The following QTMAN variants were observed in gnomAD, a reference collection of about 807,000 sequenced individuals.
QTMAN encodes the protein tRNA-queuosine alpha-mannosyltransferase.
the QTMAN span, among the ~76,000 whole-genome samples, chr2:144,328,688 G>A: frequency 3.3e-5 from 5 of 152,278 alleles, no homozygotes; most frequent in Non-Finnish European, 7.4e-5. Context: ...AGCAATTACA[G>A]ATGTGAGCTG....
At chr2:144,248,843 C>A in the QTMAN span, among the ~76,000 whole-genome samples, 1 of 151,790 alleles carries the variant, frequency 6.6e-6, no homozygotes, top group Non-Finnish European at 1.5e-5. Context: ...GATTGTTCTT[C>A]AGTCTCATCT....
At chr2:143,977,659 C>T in the QTMAN span, among the ~76,000 whole-genome samples, 2 of 152,192 alleles carry the variant, frequency 1.3e-5, no homozygotes, top group Admixed American at 6.5e-5. Context: ...TCAGCAATGG[C>T]CCATGAGGAA....
chr2:144,124,531 CTAGA>C, the QTMAN span, among the ~76,000 whole-genome samples: 1 of 152,002 alleles, frequency 6.6e-6, no homozygotes, highest in Non-Finnish European at 1.5e-5. Context: ...AGTGGAAGCT[CTAGA>C]TAGAGGGTCA....
the QTMAN span, among the ~76,000 whole-genome samples, chr2:144,158,553 C>T: frequency 6.6e-6 from 1 of 151,766 alleles, no homozygotes; most frequent in South Asian, 2.1e-4. Context: ...AGAAATATTC[C>T]TAGGTAGTTC....
chr2:144,191,253 A>C, the QTMAN span, among the ~76,000 whole-genome samples: 3 of 152,212 alleles, frequency 2.0e-5, no homozygotes, highest in Non-Finnish European at 4.4e-5. Flanking sequence ...AGTGAAAACC[A>C]CCAATAGCCA....
At chr2:143,972,237 G>A in the QTMAN span, among the ~76,000 whole-genome samples, 1 of 152,074 alleles carries the variant, frequency 6.6e-6, no homozygotes, top group Non-Finnish European at 1.5e-5. Flanking sequence ...CAATCAAATA[G>A]CTGCCACCTA....
chr2:144,208,681 G>T, the QTMAN span: 2 of 1,613,860 alleles, frequency 1.2e-6, no homozygotes, highest in Non-Finnish European at 8.5e-7. Flanking sequence ...TTTCTTTGCA[G>T]GAAGGGTATA....
the QTMAN span, among the ~76,000 whole-genome samples, chr2:144,159,128 T>C: frequency 6.6e-6 from 1 of 152,016 alleles, no homozygotes; most frequent in Non-Finnish European, 1.5e-5. Flanking sequence ...AATAATCCCT[T>C]TGAAGATTAA....
the QTMAN span, among the ~76,000 whole-genome samples, chr2:144,279,559 C>T: frequency 1.3e-5 from 2 of 152,218 alleles, no homozygotes; most frequent in Non-Finnish European, 2.9e-5. Flanking sequence ...CATTCCCTGG[C>T]CTCATCCTTA....
the QTMAN span, among the ~76,000 whole-genome samples, chr2:144,104,217 G>A: frequency 6.6e-6 from 1 of 152,156 alleles, no homozygotes; most frequent in African/African-American, 2.4e-5. Context: ...ATTTCCAACT[G>A]AGGTACTGGG....
At chr2:143,952,745 A>G in the QTMAN span, 1 of 1,383,508 alleles carries the variant, frequency 7.2e-7, no homozygotes, top group African/African-American at 1.4e-5. Context: ...AAATCTCAAT[A>G]AAGATGAATG....
At chr2:144,073,154 T>C in the QTMAN span, among the ~76,000 whole-genome samples, 1 of 151,938 alleles carries the variant, frequency 6.6e-6, no homozygotes, top group Non-Finnish European at 1.5e-5. Context: ...CCAATCAAAA[T>C]GGACAGCTAT....
At chr2:144,258,170 TAA>T in the QTMAN span, among the ~76,000 whole-genome samples, 1 of 140,988 alleles carries the variant, frequency 7.1e-6, no homozygotes, top group Non-Finnish European at 1.5e-5. Context: ...ATATAAGAGA[TAA>T]GTATAGAAGG....
At chr2:144,238,823 C>T in the QTMAN span, among the ~76,000 whole-genome samples, 1 of 152,176 alleles carries the variant, frequency 6.6e-6, no homozygotes. Flanking sequence ...GCTTCCTTAG[C>T]CATCACTCTA....
At chr2:143,977,785 T>A in the QTMAN span, among the ~76,000 whole-genome samples, 1 of 152,212 alleles carries the variant, frequency 6.6e-6, no homozygotes, top group South Asian at 2.1e-4. Flanking sequence ...TCTATGTGTA[T>A]CAGGGTTTCA....
the QTMAN span, among the ~76,000 whole-genome samples, chr2:144,197,319 GTATA>G: frequency 7.0e-6 from 1 of 143,528 alleles, no homozygotes; most frequent in African/African-American, 2.5e-5. Flanking sequence ...GTGTGTGTGT[GTATA>G]TATATATATA....
chr2:143,968,478 C>T, the QTMAN span, among the ~76,000 whole-genome samples: 1 of 152,216 alleles, frequency 6.6e-6, no homozygotes, highest in Non-Finnish European at 1.5e-5. Context: ...AACTGCTCCA[C>T]ACCCTATTTT....
the QTMAN span, among the ~76,000 whole-genome samples, chr2:144,269,239 C>A: frequency 1.3e-5 from 2 of 151,982 alleles, no homozygotes; most frequent in Non-Finnish European, 2.9e-5. Flanking sequence ...AAAATATAAT[C>A]CCAAAAAATC....
At chr2:144,141,518 GTA>G in the QTMAN span, among the ~76,000 whole-genome samples, 2 of 149,814 alleles carry the variant, frequency 1.3e-5, no homozygotes, top group Admixed American at 6.7e-5. Context: ...AGTTCTTATT[GTA>G]TATATAAATC....
Sources: allele counts gnomAD v4.1 joint callset (sites outside exome capture counted in the v4.1 genomes callset), GRCh38; gene constraint gnomAD v4.1.1; transcripts MANE v1.5; gene names NCBI Gene and HGNC (gene_info 2026-07-23, HGNC 2026-07-21).